Variants in UBR3 observed in about 807,000 individuals in gnomAD.
UBR3 encodes the protein E3 ubiquitin-protein ligase UBR3.
UBR3 carries 85 observed loss-of-function variants against 243.2 expected under a neutral mutation model. The observed-to-expected ratio is 0.35, with a 90% CI of 0.29 to 0.42. The LOEUF is 0.42. UBR3 is among the 10% of genes least tolerant of loss of function. The pLI, the probability that UBR3 is intolerant of heterozygous loss-of-function variation, is 1.00. For synonymous variants in UBR3, 748 were observed against 799.8 expected (o/e 0.94, Z 1.09); for missense variants, 1,686 against 2,300.8 (o/e 0.73, Z 5.47).
chr2:169,890,264 C>T (rs560458329), intron 5 of UBR3, among the ~76,000 whole-genome samples: 3 of 152,092 alleles, frequency 2.0e-5, no homozygotes, highest in East Asian at 1.9e-4. Flanking sequence ...TTACAAGAGG[C>T]GGGCTGCCTT....
At chr2:170,076,055 A>G (rs890692288) in intron 36 of UBR3, among the ~76,000 whole-genome samples, 5 of 152,134 alleles carry the variant, frequency 3.3e-5, no homozygotes, top group Admixed American at 2.6e-4. Flanking sequence ...CCAGATAACT[A>G]AGCCTCAACC....
At chr2:169,938,135 C>T (rs1313096379) in intron 19 of UBR3, among the ~76,000 whole-genome samples, 1 of 152,132 alleles carries the variant, frequency 6.6e-6, no homozygotes. Context: ...TTCCCACCTC[C>T]ATTTATAAAG....
chr2:170,049,932 A>T (rs1486463939), intron 32 of UBR3, among the ~76,000 whole-genome samples: 3 of 152,208 alleles, frequency 2.0e-5, no homozygotes, highest in African/African-American at 7.2e-5. Context: ...CTTATTTTCC[A>T]TTTTAAAATT....
At chr2:169,899,074 G>T (rs1194474976) in intron 8 of UBR3, among the ~76,000 whole-genome samples, 2 of 150,632 alleles carry the variant, frequency 1.3e-5, no homozygotes. Context: ...CGCCTTCCAG[G>T]TTCAACTGAT....
chr2:169,932,127 G>C (rs894307172), intron 18 of UBR3, among the ~76,000 whole-genome samples: 2 of 151,254 alleles, frequency 1.3e-5, no homozygotes, highest in Non-Finnish European at 2.9e-5. Flanking sequence ...GCCCAGGCTG[G>C]TGTGCAGTGG....
intron 24 of UBR3, among the ~76,000 whole-genome samples, chr2:169,983,761 A>C (rs192042909): frequency 6.6e-6 from 1 of 152,338 alleles, no homozygotes; most frequent in Admixed American, 6.5e-5. Flanking sequence ...TCATTCAGAT[A>C]GATTCTTTTC....
chr2:169,905,451 T>C (rs932365389), intron 9 of UBR3, among the ~76,000 whole-genome samples, 158 bp downstream of exon 9: 3 of 152,210 alleles, frequency 2.0e-5, no homozygotes, highest in African/African-American at 4.8e-5. Context: ...AAATTGTTCA[T>C]AAAACATACC....
chr2:169,838,755 G>C (rs757326340), intron 1 of UBR3, among the ~76,000 whole-genome samples: 40 of 152,112 alleles, frequency 2.6e-4, no homozygotes, highest in Non-Finnish European at 4.9e-4. Context: ...TCTAGCACCA[G>C]CTCAAAAGTC....
chr2:169,963,627 A>G (rs1484239351), intron 24 of UBR3, among the ~76,000 whole-genome samples: 1 of 152,174 alleles, frequency 6.6e-6, no homozygotes, highest in African/African-American at 2.4e-5. Flanking sequence ...TTTTATAACA[A>G]AAGCACTAAA....
intron 19 of UBR3, 86 bp downstream of exon 19, chr2:169,933,094 C>G (rs1328375724): frequency 2.6e-5 from 22 of 848,630 alleles, no homozygotes; most frequent in Non-Finnish European, 3.8e-5. Context: ...ATGATATGCT[C>G]TCATTAAAGT....
At chr2:169,986,871 A>G in intron 25 of UBR3, 77 bp downstream of exon 25, 1 of 1,461,606 alleles carries the variant, frequency 6.8e-7, no homozygotes. Context: ...TATCTGTATT[A>G]AATGAAAATT....
intron 23 of UBR3, among the ~76,000 whole-genome samples, chr2:169,954,218 GTCTTGTCTTC>G (rs1225658811): frequency 2.9e-5 from 4 of 137,644 alleles, no homozygotes; most frequent in Admixed American, 7.4e-5. Context: ...GTCTTGTCTT[GTCTTGTCTTC>G]TCTTCTTAAT....
chr2:169,947,499 G>A (rs1206629731), intron 21 of UBR3, 43 bp from the exon 22 acceptor site: 6 of 1,362,604 alleles, frequency 4.4e-6, no homozygotes, highest in Non-Finnish European at 3.8e-6. Flanking sequence ...TACCTTGGAC[G>A]TGATGTGGCA....
At position 169,949,777 on chromosome 2, in the gene UBR3, A is replaced by G; in HGVS notation, c.3257A>G (p.Lys1086Arg). 1.3e-6 allele frequency: 2 copies of G among 1,551,712 alleles called. No homozygotes were observed. Among genetic ancestry groups the G allele is most frequent in the Non-Finnish European group, 1.7e-6 (2 of 1,146,836 alleles). The change falls in exon 23 of 39, where the codon AAA becomes AGA. Residue 1086 changes from lysine to arginine, a missense_variant. By Grantham distance (26) the Lys-to-Arg change is conservative. Around this residue, in one of 8 missense-constraint regions of UBR3, gnomAD observed 300 missense variants for 314.4 expected, o/e 0.95. Coordinates refer to ENST00000272793, the MANE Select transcript of UBR3 (RefSeq NM_172070.4). ...PQLTTAILEI[K>R]ESILSLLIKL... ...TTAACTACAGCCATTTTGGAAATTA[A>G]AGAAAGCATATTGTCTTTGCTAATT...
intron 24 of UBR3, among the ~76,000 whole-genome samples, chr2:169,965,471 T>C (rs1175575419): frequency 6.6e-6 from 1 of 152,174 alleles, no homozygotes; most frequent in Non-Finnish European, 1.5e-5. Context: ...ACTGTTTTTT[T>C]CCTATACATG....
At chr2:170,048,411 A>G (rs186951541) in intron 32 of UBR3, among the ~76,000 whole-genome samples, 13 of 152,260 alleles carry the variant, frequency 8.5e-5, no homozygotes, top group Admixed American at 7.8e-4. Flanking sequence ...TGAACACGCA[A>G]CCCATGAAGA....
At chr2:169,887,451 T>G (rs1190993098) in intron 5 of UBR3, among the ~76,000 whole-genome samples, 1 of 152,176 alleles carries the variant, frequency 6.6e-6, no homozygotes, top group Admixed American at 6.5e-5. Flanking sequence ...TGATAACTGT[T>G]TTGTTTTCGT....
intron 25 of UBR3, among the ~76,000 whole-genome samples, chr2:169,992,165 AAATG>A (rs1215549775): frequency 6.6e-6 from 1 of 152,238 alleles, no homozygotes; most frequent in African/African-American, 2.4e-5. Flanking sequence ...GACGTGGATT[AAATG>A]AATGATTTCC....
chr2:169,953,230 ACTAATTTT>A (rs2087119413), intron 23 of UBR3, among the ~76,000 whole-genome samples: 1 of 152,146 alleles, frequency 6.6e-6, no homozygotes. Flanking sequence ...AGGACTTGAA[ACTAATTTT>A]GTAGCAGACA....
Sources: allele counts gnomAD v4.1 joint callset (sites outside exome capture counted in the v4.1 genomes callset), GRCh38; gene constraint gnomAD v4.1.1; regional missense constraint gnomAD v4.1.1; transcripts MANE v1.5; gene names NCBI Gene and HGNC (gene_info 2026-07-23, HGNC 2026-07-21).